GREB1L: variants seen among roughly 807,000 people sequenced by gnomAD.
GREB1L encodes GREB1-like protein.
GREB1L carries 17 observed loss-of-function variants against 200.8 expected under a neutral mutation model. The observed-to-expected ratio is 0.08, with a 90% CI of 0.06 to 0.13. The LOEUF is 0.13. Ranked by LOEUF, GREB1L falls within the 10% of genes least tolerant of loss-of-function variation. The probability of loss-of-function intolerance (pLI) is 1.00; values close to 1 mark genes in which losing one functional copy is unlikely to be tolerated. For missense variants in GREB1L, 1,657 were observed against 2,367.7 expected, an observed-to-expected ratio of 0.70 and a Z score of 6.23; for synonymous variants, 789 against 893.0, an observed-to-expected ratio of 0.88 and a Z score of 2.08.
At chr18:21,300,243 C>T (rs1303219974) in intron 1 of GREB1L, among the ~76,000 whole-genome samples, 2 of 152,164 alleles carry the variant, frequency 1.3e-5, no homozygotes. Flanking sequence ...CATTTTGGTT[C>T]ATGATAAATG....
chr18:21,346,973 C>T (rs1444385890), intron 1 of GREB1L, among the ~76,000 whole-genome samples: 1 of 152,170 alleles, frequency 6.6e-6, no homozygotes, highest in Non-Finnish European at 1.5e-5. Flanking sequence ...CTATTTCCAC[C>T]CTTGTTCACC....
At chr18:21,448,828 G>T (rs572293465) in intron 11 of GREB1L, among the ~76,000 whole-genome samples, 7 of 152,268 alleles carry the variant, frequency 4.6e-5, no homozygotes, top group Non-Finnish European at 8.8e-5. Context: ...AAATCCCCCT[G>T]ATTCCAGGGG....
intron 1 of GREB1L, among the ~76,000 whole-genome samples, chr18:21,321,028 TA>T (rs1360138655): frequency 6.6e-6 from 1 of 152,212 alleles, no homozygotes; most frequent in African/African-American, 2.4e-5. Context: ...GTGCTCTGGC[TA>T]ATGCCTGTAA....
At chr18:21,305,897 T>G (rs1432453415) in intron 1 of GREB1L, among the ~76,000 whole-genome samples, 1 of 152,114 alleles carries the variant, frequency 6.6e-6, no homozygotes, top group African/African-American at 2.4e-5. Flanking sequence ...GAATACTCTT[T>G]CCCCAGATCT....
intron 16 of GREB1L, among the ~76,000 whole-genome samples, 169 bp downstream of exon 16, chr18:21,473,380 G>T (rs2035557815): frequency 6.6e-6 from 1 of 151,968 alleles, no homozygotes; most frequent in Admixed American, 6.6e-5. Context: ...GACCAGCCTG[G>T]CCAACATGGT....
intron 17 of GREB1L, among the ~76,000 whole-genome samples, chr18:21,484,121 C>A (rs1226711690): frequency 1.3e-5 from 2 of 151,388 alleles, no homozygotes; most frequent in African/African-American, 4.9e-5. Flanking sequence ...CTTGCTTTTT[C>A]TTCCTCTGAT....
In GREB1L at chr18:21,523,628, A is replaced by C. The variant is rs1448179119; in HGVS notation, c.*807A>C. 2 of 152,238 alleles carry C rather than the reference A, an allele frequency of 1.3e-5. No individual in the cohort carries two copies. Among genetic ancestry groups the C allele is most frequent in the Non-Finnish European group, 2.9e-5 (2 of 68,042 alleles). 9.4% of individuals were successfully genotyped at this position (152,238 alleles called of 1,614,324 possible). On this transcript the variant is annotated 3_prime_UTR_variant, in exon 33 of 33. Transcript: ENST00000424526. ...TTTGCAAGAACTTAAGTCAGTTAAG[A>C]AGCTTTCAGCAGGTAACCTGCACCC...
At chr18:21,485,825 TTG>T in intron 18 of GREB1L, 72 bp downstream of exon 18, 1 of 1,458,036 alleles carries the variant, frequency 6.9e-7, no homozygotes, top group Non-Finnish European at 9.3e-7. Flanking sequence ...CAAAAGCCTT[TTG>T]TGTCAGTGCT....
At chr18:21,390,389 G>C (rs575172544) in intron 4 of GREB1L, among the ~76,000 whole-genome samples, 3 of 152,110 alleles carry the variant, frequency 2.0e-5, no homozygotes, top group Admixed American at 6.6e-5. Context: ...GACCCTCCAA[G>C]CATGTTTTTG....
At chr18:21,415,253 C>A (rs1220837319) in intron 7 of GREB1L, among the ~76,000 whole-genome samples, 4 of 152,234 alleles carry the variant, frequency 2.6e-5, no homozygotes, top group Non-Finnish European at 5.9e-5. Context: ...TGGTGGCTCA[C>A]ATCTGTAATC....
Position 21,305,904 on chromosome 18 carries a change from A to G in GREB1L, c.-119-60123A>G, listed in dbSNP as rs562388367. On this transcript the variant is annotated intron_variant, in intron 1 of 32. Transcript: ENST00000424526. Reference sequence around the variant, plus strand: ...TTGTCCTGGAATACTCTTTCCCCAGATCTTCACATGGCTGACTTCTTCCTG... The same window carrying G: ...TTGTCCTGGAATACTCTTTCCCCAGGTCTTCACATGGCTGACTTCTTCCTG... Among the ~76,000 whole-genome samples, 12 of 152,264 alleles carry G rather than the reference A, an allele frequency of 7.9e-5. No individual in the cohort carries two copies. The South Asian group carries it at 2.5e-3, about 32-fold the overall frequency.
intron 1 of GREB1L, among the ~76,000 whole-genome samples, 157 bp from the exon 2 acceptor site, chr18:21,365,867 CATT>C (rs2039666167): frequency 6.6e-6 from 1 of 151,904 alleles, no homozygotes; most frequent in Non-Finnish European, 1.5e-5. Flanking sequence ...TATATTTGCT[CATT>C]ATAATGTATA....
intron 7 of GREB1L, among the ~76,000 whole-genome samples, chr18:21,429,179 TTCC>T (rs2032926687): frequency 5.4e-5 from 2 of 37,298 alleles, no homozygotes; most frequent in African/African-American, 2.4e-4. Context: ...CCTCCCTTCC[TTCC>T]CCTCCCTTCC....
rs1449313380 is a variant in GREB1L at position 21,401,131 on chromosome 18, T to C, written c.533-19T>C. 3.2e-6 allele frequency: 5 copies of C among 1,545,518 alleles called. 1 individual carries two copies. In the South Asian group the frequency reaches 6.0e-5, roughly 18 times the overall value. On this transcript the variant is annotated intron_variant, in intron 5 of 32. Coordinates refer to ENST00000424526, the MANE Select transcript of GREB1L (RefSeq NM_001142966.3). ...TCAACTTACAAGGCCATTAGTAACA[T>C]TGGTTTTCCTGACTTCAGGGTTTTC... is the stretch of plus-strand genomic sequence containing the variant.
At chr18:21,268,560 C>CACACACACATATATAT (rs1204514384) in intron 1 of GREB1L, among the ~76,000 whole-genome samples, 1 of 63,534 alleles carries the variant, frequency 1.6e-5, no homozygotes, top group Non-Finnish European at 2.7e-5. Context: ...CACACACACA[C>CACACACACATATATAT]ATATATATAT....
chr18:21,333,138 C>G (rs2039131945), intron 1 of GREB1L, among the ~76,000 whole-genome samples: 1 of 152,016 alleles, frequency 6.6e-6, no homozygotes, highest in South Asian at 2.1e-4. Flanking sequence ...TTCTGGGTAT[C>G]TAACTGGTTC....
At chr18:21,311,925 G>A (rs1332410215) in intron 1 of GREB1L, among the ~76,000 whole-genome samples, 2 of 151,762 alleles carry the variant, frequency 1.3e-5, no homozygotes, top group East Asian at 1.9e-4. Flanking sequence ...TTATTTCATC[G>A]CCCAGGTACT....
chr18:21,325,428 C>T (rs1228396075), intron 1 of GREB1L, among the ~76,000 whole-genome samples: 1 of 152,084 alleles, frequency 6.6e-6, no homozygotes, highest in Non-Finnish European at 1.5e-5. Context: ...AAATAATGGC[C>T]ACACTGCTCA....
At chr18:21,242,435 G>A (rs1368683935) in intron 1 of GREB1L, 42 bp downstream of exon 1, 1 of 152,434 alleles carries the variant, frequency 6.6e-6, no homozygotes, top group East Asian at 1.9e-4. Flanking sequence ...CAGGAGGTGA[G>A]AGGTCGCGAA....
Sources: allele counts gnomAD v4.1 joint callset (sites outside exome capture counted in the v4.1 genomes callset), GRCh38; gene constraint gnomAD v4.1.1; transcripts MANE v1.5; gene names NCBI Gene and HGNC (gene_info 2026-07-23, HGNC 2026-07-21).